The following CBLN3 variants were observed in gnomAD, a reference collection of about 807,000 sequenced individuals.
The protein encoded by CBLN3 is cerebellin-3.
A neutral mutation model predicts 17.4 loss-of-function variants in CBLN3; 14 were observed. The observed-to-expected ratio is 0.81, with a 90% CI of 0.53 to 1.26. The LOEUF is 1.26. Ranked by LOEUF, CBLN3 falls within the 50% of genes most tolerant of loss-of-function variation. CBLN3 has a pLI of 0.00. For missense variants in CBLN3, 263 were observed against 268.5 expected, an observed-to-expected ratio of 0.98 and a Z score of 0.14; for synonymous variants, 129 against 117.4, an observed-to-expected ratio of 1.10 and a Z score of -0.64.
Position 24,429,473 on chromosome 14 carries a change from A to G in CBLN3, c.-419T>C, listed in dbSNP as rs2043064487. 2.5e-5 allele frequency: 12 copies of G among 480,334 alleles called. No individual in the cohort carries two copies. The highest frequency in any genetic ancestry group is 1.9e-4 in the South Asian group (12 of 64,416). The allele number at this position is 480,334 out of a possible 1,614,324, so 29.8% of individuals were successfully genotyped here. ...TGCATATGCCAGAGGCAGCCCCTCA[A>G]CCCCTTCCTCCTACTCTTCCTCTCT... On this transcript the variant is annotated 5_prime_UTR_variant, in exon 1 of 3. Transcript: ENST00000267406.
intron 2 of CBLN3, 108 bp downstream of exon 2, chr14:24,428,178 C>T (rs1245953772): frequency 1.4e-6 from 2 of 1,459,486 alleles, no homozygotes; most frequent in Non-Finnish European, 1.9e-6. Flanking sequence ...CTGGTCCTGG[C>T]CTCCAGGACA....
At chr14:24,428,691 G>C in intron 1 of CBLN3, 64 bp downstream of exon 1, 1 of 1,499,860 alleles carries the variant, frequency 6.7e-7, no homozygotes, top group South Asian at 1.3e-5. Flanking sequence ...AGTGGGCTTG[G>C]ACAGTTGCTT....
chr14:24,428,315 C>T lies in CBLN3; in HGVS notation c.391G>A (p.Val131Met), dbSNP rs775152657. 2.8e-5 allele frequency: 45 copies of T among 1,613,818 alleles called. No individual in the cohort carries two copies. Among genetic ancestry groups the T allele is most frequent in the Non-Finnish European group, 3.6e-5 (43 of 1,179,908 alleles). Residue 131 changes from valine to methionine, a missense_variant, in exon 2 of 3, where the codon GTG (valine) becomes ATG (methionine). By Grantham distance (21) the Val-to-Met change is conservative. Coordinates refer to ENST00000267406, the MANE Select transcript of CBLN3 (RefSeq NM_001039771.3). The part of the protein sequence containing the change: ...RGVYSFRFHV[V>M]KVYNRQTVQV... ...ACAGTTTGGCGGTTGTACACCTTCA[C>T]CACATGGAACCGGAAGCTGTAGACA...
Position 24,428,782 on chromosome 14 carries a change from G to A in CBLN3, c.273C>T (p.Gly91=), listed in dbSNP as rs751409484. The change falls in exon 1 of 3, where the codon GGC becomes GGT. Residue 91 remains glycine (G), a synonymous_variant. Transcript: ENST00000267406. The stretch of plus-strand genomic sequence containing the variant: ...GGTCGAAGTAGATGGCCCCACTGGT[G>A]CCATTGCCGGTTTCCCCTGCTGGCT... ...HHEPAGETGN[G]TSGAIYFDQV... 25 of 1,603,494 alleles carry A rather than the reference G, an allele frequency of 1.6e-5. No individual in the cohort carries two copies. In the South Asian group the frequency reaches 2.7e-4, roughly 17 times the overall value.
Position 24,428,360 on chromosome 14 carries a change from A to C in CBLN3, c.346T>G (p.Phe116Val). ...TAGACACCCCGGACAGGGGCTACGA[A>C]GGAGCCAGAGGCCCGGTCAAAGCCA... ...GGGFDRASGSFVAPVRGVYSF... is the reference protein window; with the variant it reads ...GGGFDRASGSVVAPVRGVYSF... The change falls in exon 2 of 3, where the codon TTC becomes GTC. Residue 116 changes from phenylalanine to valine, a missense_variant. Physicochemically the swap from Phe to Val is conservative, Grantham distance 50. Transcript: ENST00000267406. 6.2e-7 allele frequency: 1 copy of C among 1,613,932 alleles called. No individual in the cohort carries two copies. The highest frequency in any genetic ancestry group is 1.1e-5 in the South Asian group (1 of 91,082).
chr14:24,428,261 G>T (rs1323298793), intron 2 of CBLN3, 25 bp downstream of exon 2: 1 of 1,612,374 alleles, frequency 6.2e-7, no homozygotes, highest in East Asian at 2.2e-5. Context: ...CCTGAGCCGG[G>T]GATGGGGGCC....
In CBLN3 at chr14:24,428,837, G is replaced by A. The variant is rs1363781255; in HGVS notation, c.218C>T (p.Ala73Val). The A allele has an allele frequency of 6.2e-7, 1 of 1,612,924 alleles. No homozygotes were observed. The highest frequency in any genetic ancestry group is 8.5e-7 in the Non-Finnish European group (1 of 1,179,614). ...GTGGTGGCTTCGGACCGCAGCAAAT[G>A]CCACTCGCCCAGGGGGTGCCTCTCC... Reference protein sequence around the residue: ...ALGEAPPGRVAFAAVRSHHHE... With the variant: ...ALGEAPPGRVVFAAVRSHHHE... Residue 73 changes from alanine to valine, a missense_variant, in exon 1 of 3, where the codon GCA becomes GTA. Physicochemically the swap from Ala to Val is moderately conservative, Grantham distance 64. Coordinates refer to ENST00000267406, the MANE Select transcript of CBLN3 (RefSeq NM_001039771.3).
At position 24,427,247 on chromosome 14, in the gene CBLN3, C is replaced by T. The variant is rs892123104; in HGVS notation, c.*542G>A. 14 of 163,386 alleles carry T rather than the reference C, an allele frequency of 8.6e-5. No individual in the cohort carries two copies. Among genetic ancestry groups the T allele is most frequent in the African/African-American group, 3.4e-4 (14 of 41,526 alleles). The allele number at this position is 163,386 out of a possible 1,614,324, so 10.1% of individuals were successfully genotyped here. On this transcript the variant is annotated 3_prime_UTR_variant, in exon 3 of 3. Coordinates refer to ENST00000267406, the MANE Select transcript of CBLN3 (RefSeq NM_001039771.3). This position sits in a 1 kb window ranked among gnomAD's most constrained non-coding sequence, Gnocchi z 4.4. ...TCCTCACCAGCCACAGACTCCAGGC[C>T]CTTCCCACCCTTCTGCCTGTGGCTG...
chr14:24,429,574 C>G lies in CBLN3; in HGVS notation c.-520G>C, dbSNP rs5025771. On this transcript the variant is annotated 5_prime_UTR_variant, in exon 1 of 3. Transcript: ENST00000267406. ...GTTGGAAGAAAGGGGTACTCCACCA[C>G]GGGTACCCTCCGCCTCCCGCCTCCC... is the stretch of plus-strand genomic sequence containing the variant. The G allele has an allele frequency of 0.71, 398,487 of 564,602 alleles. 142,857 individuals carry two copies. Among genetic ancestry groups the G allele is most frequent in the Admixed American group, 0.77 (24,339 of 31,486 alleles). The allele number at this position is 564,602 out of a possible 1,614,324, so 35.0% of individuals were successfully genotyped here. A position where few individuals can be genotyped will look rare whatever the true frequency, so the allele number is the denominator to read the frequency against.
chr14:24,428,259 G>C, intron 2 of CBLN3, 27 bp downstream of exon 2: 1 of 1,611,802 alleles, frequency 6.2e-7, no homozygotes, highest in Admixed American at 1.7e-5. Flanking sequence ...CTCCTGAGCC[G>C]GGGATGGGGG....
At chr14:24,428,460 G>T in intron 1 of CBLN3, 55 bp from the exon 2 acceptor site, 2 of 1,603,856 alleles carry the variant, frequency 1.2e-6, no homozygotes, top group South Asian at 1.1e-5. Context: ...TGGCTCAGGG[G>T]TACCATGGGG....
chr14:24,427,769 T>C lies in CBLN3; in HGVS notation c.*20A>G. ...AAAGTTGTCAGGGGCTGGATTCTTGTGCTTGAAAGACTTGGGTCCTCAGAG... is the reference window on the plus strand; with the variant it reads ...AAAGTTGTCAGGGGCTGGATTCTTGCGCTTGAAAGACTTGGGTCCTCAGAG... On this transcript the variant is annotated 3_prime_UTR_variant, in exon 3 of 3. Transcript: ENST00000267406. The surrounding 1 kb of genome is among the most constrained non-coding windows in gnomAD (Gnocchi z 4.4). The C allele has an allele frequency of 6.2e-7, 1 of 1,612,874 alleles. No homozygotes were observed. Among genetic ancestry groups the C allele is most frequent in the Non-Finnish European group, 8.5e-7 (1 of 1,178,964 alleles).
chr14:24,429,087 G>A lies in CBLN3; in HGVS notation c.-33C>T. 6.8e-7 allele frequency: 1 copy of A among 1,463,388 alleles called. No homozygotes were observed. Among genetic ancestry groups the A allele is most frequent in the Non-Finnish European group, 9.1e-7 (1 of 1,103,902 alleles). 90.7% of individuals were successfully genotyped at this position (1,463,388 alleles called of 1,614,324 possible). Reference sequence around the variant, plus strand: ...GGGCTCTGCAACCCACAAGTGCCCCGGTCTTCTGCCCCTCTTCTGTTTCCG... The same window carrying A: ...GGGCTCTGCAACCCACAAGTGCCCCAGTCTTCTGCCCCTCTTCTGTTTCCG... On this transcript the variant is annotated 5_prime_UTR_variant, in exon 1 of 3. Transcript: ENST00000267406.
rs1176636508 is a variant in CBLN3 at position 24,426,654 on chromosome 14, T to C, written c.*1135A>G. On this transcript the variant is annotated 3_prime_UTR_variant, in exon 3 of 3. Transcript: ENST00000267406. ...TTCTCCTTAGTAATTCTATAGTGTC[T>C]CACTGACCACCATTCTCTAGTTGTT... is the stretch of plus-strand genomic sequence containing the variant. The C allele has an allele frequency of 6.6e-6, 1 of 152,204 alleles. No homozygotes were observed. The highest frequency in any genetic ancestry group is 1.5e-5 in the Non-Finnish European group (1 of 68,036). 9.4% of individuals were successfully genotyped at this position (152,204 alleles called of 1,614,324 possible). A position where few individuals can be genotyped will look rare whatever the true frequency, so the allele number is the denominator to read the frequency against.
chr14:24,427,787 C>T lies in CBLN3; in HGVS notation c.*2G>A, dbSNP rs781464415. On this transcript the variant is annotated 3_prime_UTR_variant, in exon 3 of 3. Coordinates refer to ENST00000267406, the MANE Select transcript of CBLN3 (RefSeq NM_001039771.3). This position sits in a 1 kb window ranked among gnomAD's most constrained non-coding sequence, Gnocchi z 4.4. ...ATTCTTGTGCTTGAAAGACTTGGGT[C>T]CTCAGAGAGGGAAGATGAGGAAGCC... 6.8e-6 allele frequency: 11 copies of T among 1,613,764 alleles called. No homozygotes were observed. In the African/African-American group the frequency reaches 1.3e-4, roughly 20 times the overall value.
chr14:24,428,160 T>C, intron 2 of CBLN3, 126 bp downstream of exon 2: 1 of 1,404,076 alleles, frequency 7.1e-7, no homozygotes, highest in South Asian at 1.3e-5. Context: ...GGCAGGCCCA[T>C]TCCTCCCCTG....
chr14:24,428,415 G>C lies in CBLN3; in HGVS notation c.301-10C>G, dbSNP rs773713871. 6.2e-7 allele frequency: 1 copy of C among 1,613,632 alleles called. No individual in the cohort carries two copies. The highest frequency in any genetic ancestry group is 1.7e-5 in the Admixed American group (1 of 60,006). On this transcript the variant is annotated splice_polypyrimidine_tract_variant and intron_variant, in intron 1 of 2. Transcript: ENST00000267406. ...CCTCGTTCACCAGGACCTGGGGGAA[G>C]CAGAGCCTGCTGAGTGGGGCTCAGG...
In CBLN3 at chr14:24,429,138, G is replaced by C; in HGVS notation, c.-84C>G. Reference sequence around the variant, plus strand: ...CTCCTCTCCCTGGATTCTCACCGCCGGCACCCTGATCGTCTGCCCTCTCTA... The same window carrying C: ...CTCCTCTCCCTGGATTCTCACCGCCCGCACCCTGATCGTCTGCCCTCTCTA... On this transcript the variant is annotated 5_prime_UTR_variant, in exon 1 of 3. Transcript: ENST00000267406. The C allele has an allele frequency of 7.1e-7, 1 of 1,402,032 alleles. No individual in the cohort carries two copies. The highest frequency in any genetic ancestry group is 1.5e-5 in the South Asian group (1 of 68,634). 86.8% of individuals were successfully genotyped at this position (1,402,032 alleles called of 1,614,324 possible).
chr14:24,428,348 C>G lies in CBLN3; in HGVS notation c.358G>C (p.Val120Leu). 6.2e-7 allele frequency: 1 copy of G among 1,613,926 alleles called. No individual in the cohort carries two copies. Among genetic ancestry groups the G allele is most frequent in the South Asian group, 1.1e-5 (1 of 91,088 alleles). Residue 120 changes from valine (V) to leucine (L), a missense_variant, in exon 2 of 3, where the codon GTC becomes CTC. By Grantham distance (32) the Val-to-Leu change is conservative. Coordinates refer to ENST00000267406, the MANE Select transcript of CBLN3 (RefSeq NM_001039771.3). Reference protein sequence around the residue: ...DRASGSFVAPVRGVYSFRFHV... With the variant: ...DRASGSFVAPLRGVYSFRFHV... ...AACCGGAAGCTGTAGACACCCCGGA[C>G]AGGGGCTACGAAGGAGCCAGAGGCC...
Sources: gnomAD v4.1 joint callset for allele counts on GRCh38, gnomAD v4.1.1 for gene constraint, Gnocchi (gnomAD v3.1) non-coding constraint, MANE v1.5 for transcripts, NCBI Gene and HGNC (gene_info 2026-07-23, HGNC 2026-07-21) for gene names.